HDX: variants seen among roughly 807,000 people sequenced by gnomAD.
HDX encodes chromosome X open reading frame 43.
A neutral mutation model predicts 45.2 loss-of-function variants in HDX; 19 were observed. The ratio of observed to expected loss-of-function variants is 0.42; its 90% CI spans 0.29 to 0.62. The LOEUF is 0.62. HDX is among the 20% of genes least tolerant of loss of function. The probability of loss-of-function intolerance (pLI) is 0.20; values close to 1 mark genes in which losing one functional copy is unlikely to be tolerated. For synonymous variants in HDX, 188 were observed against 172.8 expected, an observed-to-expected ratio of 1.09 and a Z score of -0.69; for missense variants, 532 against 493.9, an observed-to-expected ratio of 1.08 and a Z score of -0.73.
chrX:84,469,249 T>G lies in HDX; in HGVS notation c.474A>C (p.Gln158His), dbSNP rs1011631649. 2.5e-6 allele frequency: 3 copies of G among 1,210,585 alleles called. No homozygotes were observed. Among genetic ancestry groups the G allele is most frequent in the Non-Finnish European group, 2.2e-6 (2 of 894,123 alleles). Residue 158 changes from glutamine (Q) to histidine (H), a missense_variant, in exon 4 of 11, where the codon CAA (glutamine) becomes CAC (histidine). Gln to His is a conservative substitution (Grantham distance 24). This residue lies in a region of HDX where 376 missense variants were observed against 343.7 expected (regional missense o/e 1.09). Transcript: ENST00000373177. Reference sequence around the variant, plus strand: ...GGGAAGCATTTTTACAGTGTGCTACTTGTCTTTGGACAGGAATGTGTAACT... The same window carrying G: ...GGGAAGCATTTTTACAGTGTGCTACGTGTCTTTGGACAGGAATGTGTAACT... Reference protein sequence around the residue: ...EFQLHIPVQRQVAHCKNASLL... With the variant: ...EFQLHIPVQRHVAHCKNASLL...
chrX:84,488,240 CT>C (rs2148189635), intron 1 of HDX, 108 bp from the exon 2 acceptor site: 1 of 109,559 alleles, frequency 9.1e-6, no homozygotes, highest in East Asian at 2.9e-4. Context: ...CTTTAAGGAA[CT>C]TTAAGTCAAA....
intron 3 of HDX, among the ~76,000 whole-genome samples, chrX:84,473,029 A>G (rs1366170405): frequency 9.2e-6 from 1 of 109,246 alleles, no homozygotes; most frequent in East Asian, 2.9e-4. Flanking sequence ...TTCATAGGAA[A>G]AAAAAGAAAG....
At chrX:84,420,407 AT>A (rs1205843454) in intron 5 of HDX, among the ~76,000 whole-genome samples, 2 of 111,181 alleles carry the variant, frequency 1.8e-5, no homozygotes, top group African/African-American at 6.5e-5. Flanking sequence ...ACTAGTGAGT[AT>A]GAAGACAAGC....
intron 8 of HDX, among the ~76,000 whole-genome samples, chrX:84,336,184 T>G (rs1353411693): frequency 9.0e-6 from 1 of 111,253 alleles, no homozygotes; most frequent in Non-Finnish European, 1.9e-5. Flanking sequence ...AACAGCTGCA[T>G]AGGGAGCATC....
intron 5 of HDX, among the ~76,000 whole-genome samples, chrX:84,412,948 C>T (rs1295402745): frequency 1.8e-5 from 2 of 112,174 alleles, no homozygotes; most frequent in Non-Finnish European, 3.8e-5. Flanking sequence ...GCCGTTAATA[C>T]TTGCAATTGT....
In HDX at chrX:84,361,611, A is replaced by G. The variant is rs141811598; in HGVS notation, c.1307T>C (p.Leu436Pro). ...GTCACTGAACTGAGTGCGGTCCTGTAGCTGAAAAACACATTTTTAAATTGT... is the reference window on the plus strand; with the variant it reads ...GTCACTGAACTGAGTGCGGTCCTGTGGCTGAAAAACACATTTTTAAATTGT... ...WITGCSRKRALQDRTQFSDRD... is the reference protein window; with the variant it reads ...WITGCSRKRAPQDRTQFSDRD... Residue 436 changes from leucine (L) to proline (P), a missense_variant and splice_region_variant, in exon 6 of 11, where the codon CTA (leucine) becomes CCA (proline). Leu to Pro is a moderately conservative substitution (Grantham distance 98). This residue lies in a region of HDX where 376 missense variants were observed against 343.7 expected (regional missense o/e 1.09). Coordinates refer to ENST00000373177, the MANE Select transcript of HDX (RefSeq NM_001177479.2). 34 of 1,163,656 alleles carry G rather than the reference A, an allele frequency of 2.9e-5. No individual in the cohort carries two copies. Among genetic ancestry groups the G allele is most frequent in the Admixed American group, 2.7e-4 (11 of 40,826 alleles).
intron 6 of HDX, among the ~76,000 whole-genome samples, chrX:84,360,986 G>A (rs1288541608): frequency 1.8e-5 from 2 of 111,489 alleles, no homozygotes; most frequent in East Asian, 2.8e-4. Context: ...TAAACTTTTT[G>A]AGGACTGTTG....
At chrX:84,465,215 T>C (rs879965812) in intron 4 of HDX, among the ~76,000 whole-genome samples, 1 of 112,045 alleles carries the variant, frequency 8.9e-6, no homozygotes, top group Admixed American at 9.4e-5. Context: ...GCTTTTACAC[T>C]GTTGGTGGGA....
intron 7 of HDX, among the ~76,000 whole-genome samples, chrX:84,341,575 C>G (rs909487496): frequency 2.7e-5 from 3 of 110,462 alleles, no homozygotes; most frequent in African/African-American, 9.9e-5. Flanking sequence ...TCTCCTCTCC[C>G]CATGCAGTTA....
chrX:84,369,174 T>G (rs2037834218), intron 5 of HDX, among the ~76,000 whole-genome samples: 1 of 112,124 alleles, frequency 8.9e-6, no homozygotes, highest in Admixed American at 9.5e-5. Context: ...GAAATATTTG[T>G]GTTTATGTAA....
chrX:84,452,564 G>A lies in HDX; in HGVS notation c.1252-11979C>T, dbSNP rs756526354. Among the ~76,000 whole-genome samples, 8 of 106,692 alleles carry A rather than the reference G, an allele frequency of 7.5e-5. No individual in the cohort carries two copies. The South Asian group carries it at 3.2e-3, about 42-fold the overall frequency. The allele number at this position is 106,692 out of a possible 115,157, so 92.6% of individuals were successfully genotyped here. A position where few individuals can be genotyped will look rare whatever the true frequency, so the allele number is the denominator to read the frequency against. ...AAAAAAAAAAAAAAGTCAGCTGAAA[G>A]CATCTCATTACCTGACTTGAAAATA... On this transcript the variant is annotated intron_variant, in intron 4 of 10. Coordinates refer to ENST00000373177, the MANE Select transcript of HDX (RefSeq NM_001177479.2).
intron 6 of HDX, among the ~76,000 whole-genome samples, chrX:84,346,397 G>A (rs1156231464): frequency 2.7e-5 from 3 of 111,542 alleles, no homozygotes; most frequent in African/African-American, 9.8e-5. Context: ...AATTCACATG[G>A]AAAGAAAATG....
intron 6 of HDX, among the ~76,000 whole-genome samples, chrX:84,353,625 A>G (rs1159014229): frequency 1.0e-5 from 1 of 97,579 alleles, no homozygotes; most frequent in African/African-American, 3.5e-5. Context: ...TTATGTGTCA[A>G]TATAACTGAG....
At chrX:84,451,242 A>G (rs951551748) in intron 4 of HDX, among the ~76,000 whole-genome samples, 1 of 111,332 alleles carries the variant, frequency 9.0e-6, no homozygotes, top group African/African-American at 3.3e-5. Flanking sequence ...GAAAAGTTGC[A>G]TTCTTAAAAG....
At chrX:84,451,531 A>C (rs1045349075) in intron 4 of HDX, among the ~76,000 whole-genome samples, 1 of 110,931 alleles carries the variant, frequency 9.0e-6, no homozygotes, top group Non-Finnish European at 1.9e-5. Flanking sequence ...TCAGTAACAA[A>C]AAAAAAAATT....
intron 5 of HDX, among the ~76,000 whole-genome samples, chrX:84,419,526 C>CACGAGT (rs2039198368): frequency 9.1e-6 from 1 of 110,089 alleles, no homozygotes. Flanking sequence ...TACAAGGAAA[C>CACGAGT]ACGAGTATAT....
chrX:84,336,723 T>C, intron 8 of HDX, 78 bp downstream of exon 8: 1 of 668,001 alleles, frequency 1.5e-6, no homozygotes. Context: ...ATTCTGAAAA[T>C]GAGAATATTT....
chrX:84,408,082 T>C (rs2038876924), intron 5 of HDX, among the ~76,000 whole-genome samples: 1 of 111,866 alleles, frequency 8.9e-6, no homozygotes, highest in South Asian at 3.7e-4. Context: ...TTTTTGTTAC[T>C]ATTGCTTTGG....
chrX:84,419,747 C>T (rs1334235408), intron 5 of HDX, among the ~76,000 whole-genome samples: 1 of 112,087 alleles, frequency 8.9e-6, no homozygotes, highest in Non-Finnish European at 1.9e-5. Context: ...GAACTTAGCA[C>T]AGTAATACTG....
Sources: gnomAD v4.1 joint callset for allele counts (sites outside exome capture counted in the v4.1 genomes callset) on GRCh38, gnomAD v4.1.1 for gene constraint, gnomAD v4.1.1 regional missense constraint, MANE v1.5 for transcripts, NCBI Gene and HGNC (gene_info 2026-07-23, HGNC 2026-07-21) for gene names.